RGS7: variants seen among roughly 807,000 people sequenced by gnomAD.
RGS7 encodes the protein regulator of G protein signaling 7, also known as regulator of G-protein signaling 7.
RGS7 carries 27 observed loss-of-function variants against 81.1 expected under a neutral mutation model. The observed-to-expected ratio is 0.33, with a 90% confidence interval of 0.25 to 0.46. The LOEUF is 0.46. Among genes scored for constraint, RGS7 ranks in the 20% least tolerant of loss-of-function variants. The pLI, the probability that RGS7 is intolerant of heterozygous loss-of-function variation, is 1.00. For synonymous variants in RGS7, 208 were observed against 207.7 expected (o/e 1.00, Z -0.01); for missense variants, 396 against 607.4 (o/e 0.65, Z 3.66).
chr1:240,973,272 G>T (rs977968051), intron 4 of RGS7, among the ~76,000 whole-genome samples: 1 of 151,974 alleles, frequency 6.6e-6, no homozygotes, highest in African/African-American at 2.4e-5. Context: ...GTATTCCAGC[G>T]CTTTGGGAGG....
At chr1:240,996,872 T>C (rs1413514167) in intron 3 of RGS7, among the ~76,000 whole-genome samples, 1 of 152,164 alleles carries the variant, frequency 6.6e-6, no homozygotes, top group Non-Finnish European at 1.5e-5. Context: ...TTTTATTTTT[T>C]GTGGGTTTTT....
At chr1:241,063,834 T>C (rs1022534588) in intron 3 of RGS7, among the ~76,000 whole-genome samples, 36 of 152,228 alleles carry the variant, frequency 2.4e-4, no homozygotes, top group African/African-American at 7.2e-4. Flanking sequence ...AAAATTTACC[T>C]GTATTGAAGA....
chr1:241,073,052 T>C (rs2062571919), intron 3 of RGS7, among the ~76,000 whole-genome samples: 1 of 152,200 alleles, frequency 6.6e-6, no homozygotes, highest in Admixed American at 6.5e-5. Flanking sequence ...CTCATGGTGC[T>C]GAGTTCCATG....
At chr1:241,260,597 T>C (rs1163574141) in intron 2 of RGS7, among the ~76,000 whole-genome samples, 1 of 152,096 alleles carries the variant, frequency 6.6e-6, no homozygotes, top group Non-Finnish European at 1.5e-5. Flanking sequence ...GTGTAGACCT[T>C]GGATAAGGCA....
At chr1:240,878,355 C>G (rs907746283) in intron 6 of RGS7, among the ~76,000 whole-genome samples, 1 of 152,188 alleles carries the variant, frequency 6.6e-6, no homozygotes, top group Non-Finnish European at 1.5e-5. Context: ...CTATTCTGTT[C>G]ACCAATCAAT....
At chr1:240,877,052 G>A (rs930082185) in intron 6 of RGS7, among the ~76,000 whole-genome samples, 4 of 151,928 alleles carry the variant, frequency 2.6e-5, no homozygotes, top group Non-Finnish European at 5.9e-5. Context: ...AAGCTAGAGG[G>A]CTAAGAATAC....
At chr1:241,272,411 AT>A (rs2077965125) in intron 2 of RGS7, among the ~76,000 whole-genome samples, 1 of 152,138 alleles carries the variant, frequency 6.6e-6, no homozygotes, top group Non-Finnish European at 1.5e-5. Flanking sequence ...GTCCTCAAAC[AT>A]GCCAGGATTA....
chr1:241,186,210 T>G (rs1232804211), intron 2 of RGS7, among the ~76,000 whole-genome samples: 1 of 152,144 alleles, frequency 6.6e-6, no homozygotes, highest in African/African-American at 2.4e-5. Context: ...AACCACACTC[T>G]GACTCACTCA....
At chr1:241,265,409 G>A (rs543888945) in intron 2 of RGS7, among the ~76,000 whole-genome samples, 7 of 150,420 alleles carry the variant, frequency 4.7e-5, no homozygotes, top group African/African-American at 1.7e-4. Flanking sequence ...CTCCAAGTGA[G>A]TGCAAGGCAA....
intron 2 of RGS7, among the ~76,000 whole-genome samples, chr1:241,205,578 A>G (rs116611493): frequency 0.015 from 2,266 of 151,590 alleles, 51 homozygotes; most frequent in African/African-American, 0.052. Flanking sequence ...CTCCTACCTC[A>G]GCCTCCTGAA....
At chr1:241,106,056 T>A (rs1172636853) in intron 2 of RGS7, among the ~76,000 whole-genome samples, 1 of 152,218 alleles carries the variant, frequency 6.6e-6, no homozygotes, top group Admixed American at 6.5e-5. Context: ...AATTCGCCTA[T>A]AACTCTTTTT....
chr1:241,200,170 A>T (rs1390802496), intron 2 of RGS7, among the ~76,000 whole-genome samples: 1 of 152,180 alleles, frequency 6.6e-6, no homozygotes. Context: ...AACACAAACA[A>T]CTATAACAGG....
chr1:240,975,427 A>AC (rs200336866), intron 4 of RGS7, among the ~76,000 whole-genome samples: 11 of 151,384 alleles, frequency 7.3e-5, no homozygotes, highest in African/African-American at 2.2e-4. Context: ...AAACAAACAA[A>AC]AAAACACAGA....
chr1:240,972,724 C>A (rs199560330), intron 4 of RGS7, among the ~76,000 whole-genome samples: 4,773 of 55,132 alleles, frequency 0.087, 263 homozygotes, highest in African/African-American at 0.2. Flanking sequence ...AAAAAAAAAC[C>A]CAAAAAGGTG....
At chr1:241,207,389 T>C (rs2073985741) in intron 2 of RGS7, among the ~76,000 whole-genome samples, 1 of 134,388 alleles carries the variant, frequency 7.4e-6, no homozygotes, top group African/African-American at 2.6e-5. Flanking sequence ...GTACATATAG[T>C]TTACATTTTG....
At chr1:240,876,964 C>CA (rs1487860802) in intron 6 of RGS7, among the ~76,000 whole-genome samples, 1 of 151,858 alleles carries the variant, frequency 6.6e-6, no homozygotes, top group Non-Finnish European at 1.5e-5. Context: ...ACTTTGTTTC[C>CA]AAAAAACCCC....
At chr1:240,783,379 T>G (rs1384767205) in intron 18 of RGS7, among the ~76,000 whole-genome samples, 1 of 151,820 alleles carries the variant, frequency 6.6e-6, no homozygotes, top group East Asian at 1.9e-4. Context: ...CATAGTACCT[T>G]GGGAGACTGA....
chr1:241,259,667 AAT>A (rs59037983), intron 2 of RGS7, among the ~76,000 whole-genome samples: 12 of 49,140 alleles, frequency 2.4e-4, no homozygotes, highest in African/African-American at 6.4e-4. Flanking sequence ...AAAAAAAAAA[AAT>A]ATATATATAT....
chr1:241,333,411 T>C (rs2082076341), intron 2 of RGS7, among the ~76,000 whole-genome samples: 1 of 152,304 alleles, frequency 6.6e-6, no homozygotes, highest in South Asian at 2.1e-4. Flanking sequence ...CAAAATGACA[T>C]CTAGATAAGG....
Sources: allele counts gnomAD v4.1 joint callset (sites outside exome capture counted in the v4.1 genomes callset), GRCh38; gene constraint gnomAD v4.1.1; transcripts MANE v1.5; gene names NCBI Gene and HGNC (gene_info 2026-07-23, HGNC 2026-07-21).